Variants in ABCC11 observed in about 807,000 individuals in gnomAD.
The protein encoded by ABCC11 is ATP-binding cassette sub-family C member 11.
In ABCC11, 135 loss-of-function variants were observed where a neutral mutation model predicts 149.3. That is an observed-to-expected ratio of 0.90 (90% CI 0.79 to 1.04). The LOEUF (loss-of-function observed/expected upper bound fraction) is 1.04. ABCC11 is among the 50% of genes least tolerant of loss of function. ABCC11 has a pLI of 0.00. For synonymous variants in ABCC11, 665 were observed against 671.4 expected (o/e 0.99, Z 0.15); for missense variants, 1,680 against 1,722.1 (o/e 0.98, Z 0.43).
intron 11 of ABCC11, 23 bp downstream of exon 11, chr16:48,210,925 C>T (rs1206134364): frequency 1.2e-6 from 2 of 1,607,812 alleles, no homozygotes; most frequent in Non-Finnish European, 1.7e-6. Flanking sequence ...GCTGGCCTGC[C>T]TGCGTGGCCT....
At chr16:48,201,862 C>T (rs922516547) in intron 14 of ABCC11, among the ~76,000 whole-genome samples, 14 of 152,186 alleles carry the variant, frequency 9.2e-5, no homozygotes, top group African/African-American at 3.4e-4. Flanking sequence ...CTGGCCCATC[C>T]CTCCTTGAGG....
intron 18 of ABCC11, among the ~76,000 whole-genome samples, chr16:48,195,725 A>G (rs552872919): frequency 6.6e-6 from 1 of 152,212 alleles, no homozygotes; most frequent in Non-Finnish European, 1.5e-5. Context: ...ACACCAAAAT[A>G]AAAGTCCCAC....
intron 22 of ABCC11, among the ~76,000 whole-genome samples, chr16:48,186,557 T>A (rs1208033279): frequency 6.6e-6 from 1 of 152,218 alleles, no homozygotes; most frequent in African/African-American, 2.4e-5. Context: ...GCATGAGTAG[T>A]GAAGGAAGTT....
chr16:48,192,280 C>T lies in ABCC11; in HGVS notation c.2706+240G>A, dbSNP rs1187837227. Among the ~76,000 whole-genome samples, 6 of 152,038 alleles carry T rather than the reference C, an allele frequency of 3.9e-5. No individual in the cohort carries two copies. In the East Asian group the frequency reaches 1.2e-3, roughly 29 times the overall value. ...GCAACGTGGTGAAACCCAGTCTCTA[C>T]AAAAAATACAAAAATTAGTCAGATC... On this transcript the variant is annotated intron_variant, in intron 20 of 29. Coordinates refer to ENST00000356608, the MANE Select transcript of ABCC11 (RefSeq NM_001370497.1).
chr16:48,214,075 G>A (rs1969139938), intron 9 of ABCC11, among the ~76,000 whole-genome samples: 1 of 151,992 alleles, frequency 6.6e-6, no homozygotes, highest in Non-Finnish European at 1.5e-5. Context: ...GACCCAGAAG[G>A]TGCCCTCCTG....
chr16:48,212,244 C>G (rs1968988164), intron 10 of ABCC11, among the ~76,000 whole-genome samples: 1 of 152,162 alleles, frequency 6.6e-6, no homozygotes, highest in Non-Finnish European at 1.5e-5. Context: ...TGGTCATCAT[C>G]ACTCAAAGTC....
rs1227912406 is a variant in ABCC11, at chr16:48,216,288, C to T, written c.778-1G>A. 2 of 1,612,212 alleles carry T rather than the reference C, an allele frequency of 1.2e-6. No individual in the cohort carries two copies. Among genetic ancestry groups the T allele is most frequent in the Admixed American group, 1.7e-5 (1 of 60,002 alleles). ...CATCACCGGTGAAGAAGCTGATGGC[C>T]TGCAAGACAGCAAGTTGATGGGCAC... On this transcript the variant is annotated splice_acceptor_variant, in intron 6 of 29. Transcript: ENST00000356608. LOFTEE classifies it high-confidence loss of function.
At chr16:48,192,033 A>G (rs1355220396) in intron 20 of ABCC11, among the ~76,000 whole-genome samples, 1 of 152,180 alleles carries the variant, frequency 6.6e-6, no homozygotes, top group African/African-American at 2.4e-5. Context: ...CTGTAATTCT[A>G]GCTACTTAGG....
chr16:48,219,808 C>G (rs1383995268), intron 6 of ABCC11, among the ~76,000 whole-genome samples: 1 of 152,000 alleles, frequency 6.6e-6, no homozygotes, highest in African/African-American at 2.4e-5. Flanking sequence ...TGGTGAAACC[C>G]CGTCTCTACT....
intron 12 of ABCC11, among the ~76,000 whole-genome samples, chr16:48,208,060 C>T (rs1355394441): frequency 6.6e-6 from 1 of 151,934 alleles, no homozygotes. Flanking sequence ...TTATAGGGAC[C>T]ATTGCAAGAG....
Position 48,193,927 on chromosome 16 carries a change from C to G in ABCC11, c.2460G>C (p.Thr820=). ...FFFVVLIVFL[T]IFSFWWLSYW... ...AGCTCAGCCACCAGAAGCTGAAGATCGTTAAGAAGACGATCAGCACCACGA... is the reference window on the plus strand; with the variant it reads ...AGCTCAGCCACCAGAAGCTGAAGATGGTTAAGAAGACGATCAGCACCACGA... Residue 820 remains threonine, a synonymous_variant, in exon 19 of 30, where the codon ACG becomes ACC. Coordinates refer to ENST00000356608, the MANE Select transcript of ABCC11 (RefSeq NM_001370497.1). 6.2e-7 allele frequency: 1 copy of G among 1,613,970 alleles called. No homozygotes were observed. The highest frequency in any genetic ancestry group is 1.1e-5 in the South Asian group (1 of 91,030).
chr16:48,200,853 A>G (rs1458248052), intron 14 of ABCC11, among the ~76,000 whole-genome samples: 1 of 152,230 alleles, frequency 6.6e-6, no homozygotes, highest in Non-Finnish European at 1.5e-5. Context: ...AGCTAACAAC[A>G]ATGTATTGTA....
chr16:48,178,684 C>A lies in ABCC11; in HGVS notation c.3261G>T (p.Leu1087=), dbSNP rs1966243475. Residue 1087 remains leucine (L), a splice_region_variant and synonymous_variant, in exon 24 of 30, where the codon CTG becomes CTT. Transcript: ENST00000356608. ...GGGCAGTGGCCTGGAAGCTGGACGC[C>A]AGCTAGAAGGAAGGAGAAGTATCGG... is the stretch of plus-strand genomic sequence containing the variant. The part of the protein sequence containing the change: ...KVMAVNIVLQ[L]ASSFQATARI... 1 of 1,614,000 alleles carries A rather than the reference C, an allele frequency of 6.2e-7. No individual in the cohort carries two copies. Among genetic ancestry groups the A allele is most frequent in the African/African-American group, 1.3e-5 (1 of 74,912 alleles).
chr16:48,233,323 A>T (rs1370900093), intron 1 of ABCC11, among the ~76,000 whole-genome samples: 1 of 152,170 alleles, frequency 6.6e-6, no homozygotes, highest in African/African-American at 2.4e-5. Flanking sequence ...TTCCCATCCC[A>T]CTTCCTTTTA....
rs1231734955 is a variant in ABCC11, at chr16:48,170,260, T to C, written c.3778-42A>G. On this transcript the variant is annotated intron_variant, in intron 27 of 29. Transcript: ENST00000356608. ...AGAGACAACATAACCTGGAAGCCACTGTGGGGTGAGACCCAACCTGACCTT... is the reference window on the plus strand; with the variant it reads ...AGAGACAACATAACCTGGAAGCCACCGTGGGGTGAGACCCAACCTGACCTT... 7 of 1,534,928 alleles carry C rather than the reference T, an allele frequency of 4.6e-6. No homozygotes were observed. In the African/African-American group the frequency reaches 5.5e-5, roughly 12 times the overall value.
chr16:48,240,142 A>G (rs2150938776), intron 1 of ABCC11, among the ~76,000 whole-genome samples: 1 of 152,366 alleles, frequency 6.6e-6, no homozygotes, highest in Non-Finnish European at 1.5e-5. Flanking sequence ...TAGAGGCAGA[A>G]ATACCATTTG....
intron 1 of ABCC11, among the ~76,000 whole-genome samples, chr16:48,233,889 T>C (rs1412267532): frequency 1.3e-5 from 2 of 152,270 alleles, no homozygotes; most frequent in African/African-American, 4.8e-5. Context: ...CAGAGATATA[T>C]GTTGGTTGAA....
At chr16:48,199,052 A>C (rs1484462244) in intron 15 of ABCC11, among the ~76,000 whole-genome samples, 3 of 150,954 alleles carry the variant, frequency 2.0e-5, no homozygotes, top group South Asian at 4.2e-4. Flanking sequence ...ATATATATAT[A>C]TCTATATATA....
At chr16:48,227,743 G>T (rs1291037766) in intron 4 of ABCC11, 63 bp downstream of exon 4, 38 of 1,605,392 alleles carry the variant, frequency 2.4e-5, no homozygotes, top group Non-Finnish European at 3.0e-5. Flanking sequence ...GGCATCTCTG[G>T]TCATTATCCC....
Sources: allele counts gnomAD v4.1 joint callset (sites outside exome capture counted in the v4.1 genomes callset), GRCh38; gene constraint gnomAD v4.1.1; transcripts MANE v1.5; gene names NCBI Gene and HGNC (gene_info 2026-07-23, HGNC 2026-07-21).